Variants in LMO7 observed in about 807,000 individuals in gnomAD.
LMO7 encodes the protein LIM domain 7.
In LMO7, 120 loss-of-function variants were observed where a neutral mutation model predicts 206.5. The observed-to-expected ratio is 0.58, with a 90% CI of 0.50 to 0.68. The LOEUF (loss-of-function observed/expected upper bound fraction) is 0.68, where lower values mean the gene tolerates loss of function less well. Ranked by LOEUF, LMO7 falls within the 30% of genes least tolerant of loss-of-function variation. The pLI, the probability that LMO7 is intolerant of heterozygous loss-of-function variation, is 0.00. For missense variants in LMO7, 1,959 were observed against 1,957.9 expected (o/e 1.00, Z -0.01); for synonymous variants, 706 against 681.5 (o/e 1.04, Z -0.56).
chr13:75,688,166 G>A (rs2041172395), intron 1 of LMO7, among the ~76,000 whole-genome samples: 1 of 152,098 alleles, frequency 6.6e-6, no homozygotes, highest in Non-Finnish European at 1.5e-5. Flanking sequence ...CCCAGTCTTG[G>A]GTATGTTTTT....
chr13:75,816,959 G>T, intron 11 of LMO7: 1 of 420,012 alleles, frequency 2.4e-6, no homozygotes, highest in Non-Finnish European at 4.3e-6. Flanking sequence ...GCCATTTTGT[G>T]AAAAAATTCA....
At chr13:75,794,484 AATAT>A (rs1400370153) in intron 4 of LMO7, among the ~76,000 whole-genome samples, 2 of 152,170 alleles carry the variant, frequency 1.3e-5, no homozygotes, top group African/African-American at 4.8e-5. Context: ...TGTATATATG[AATAT>A]ATATGTGTTT....
Position 75,856,787 on chromosome 13 carries a change from G to T in LMO7, c.4873+179G>T, listed in dbSNP as rs78668606. 1.7e-3 allele frequency: 908 copies of T among 528,060 alleles called. 7 individuals carry two copies. The highest frequency in any genetic ancestry group is 0.015 in the African/African-American group (781 of 52,252). 32.7% of individuals were successfully genotyped at this position (528,060 alleles called of 1,614,324 possible). A position where few individuals can be genotyped will look rare whatever the true frequency, so the allele number is the denominator to read the frequency against. The stretch of plus-strand genomic sequence containing the variant: ...GTATAGTGAATGGGTCACTGCTCAG[G>T]GTTCCAGCTACACAGGAGTGGGTTG... On this transcript the variant is annotated intron_variant, in intron 30 of 30. Transcript: ENST00000377534.
At chr13:75,746,158 C>G (rs1239808562) in intron 3 of LMO7, among the ~76,000 whole-genome samples, 5 of 151,870 alleles carry the variant, frequency 3.3e-5, no homozygotes, top group Non-Finnish European at 5.9e-5. Context: ...GCTTTTGCAC[C>G]AGTAGTTTAT....
rs535109251 is a variant in LMO7 at position 75,636,572 on chromosome 13, C to G, written c.-86C>G. On this transcript the variant is annotated 5_prime_UTR_variant, in exon 1 of 31. Coordinates refer to ENST00000377534, the MANE Select transcript of LMO7 (RefSeq NM_001306080.2). ...CGGAGTTGTGGGAGGCCCGCGTGCCCTCCCCGCCCGTGGGGCCCAGACGCG... is the reference window on the plus strand; with the variant it reads ...CGGAGTTGTGGGAGGCCCGCGTGCCGTCCCCGCCCGTGGGGCCCAGACGCG... The G allele has an allele frequency of 1.8e-4, 271 of 1,537,292 alleles. 1 individual carries two copies. In the African/African-American group the frequency reaches 3.3e-3, roughly 18 times the overall value.
Position 75,795,359 on chromosome 13 carries a change from G to A in LMO7, c.318-42G>A, listed in dbSNP as rs139869443. The A allele has an allele frequency of 4.8e-4, 644 of 1,337,548 alleles. 5 individuals carry two copies. In the African/African-American group the frequency reaches 8.7e-3, roughly 18 times the overall value. 82.9% of individuals were successfully genotyped at this position (1,337,548 alleles called of 1,614,324 possible). A position where few individuals can be genotyped will look rare whatever the true frequency, so the allele number is the denominator to read the frequency against. ...TTTCTAGCTATAATTAATAATTTAA[G>A]GTTCACGGATATTACCTAATAGATA... On this transcript the variant is annotated intron_variant, in intron 4 of 30. Transcript: ENST00000377534.
rs376603401 is a variant in LMO7 at position 75,782,338 on chromosome 13, G to C, written c.318-13063G>C. Among the ~76,000 whole-genome samples the C allele has an allele frequency of 6.6e-5, 10 of 152,308 alleles. No homozygotes were observed. In the South Asian group the frequency reaches 1.2e-3, roughly 19 times the overall value. On this transcript the variant is annotated intron_variant, in intron 4 of 30. Transcript: ENST00000377534. ...AAATGATCCTCATATGCTGTGAATA[G>C]ACTTTTAGGTCAGATCAACTGGGGC... is the stretch of plus-strand genomic sequence containing the variant.
At chr13:75,820,624 C>G (rs139382527) in intron 13 of LMO7, among the ~76,000 whole-genome samples, 19 of 152,052 alleles carry the variant, frequency 1.2e-4, no homozygotes, top group African/African-American at 1.9e-4. Flanking sequence ...TAATAATATC[C>G]CAGTGAAGTA....
intron 15 of LMO7, among the ~76,000 whole-genome samples, chr13:75,828,518 A>G (rs995572281): frequency 6.6e-6 from 1 of 152,236 alleles, no homozygotes; most frequent in Admixed American, 6.5e-5. Context: ...GTCCATAAAG[A>G]TAAAATCATC....
In LMO7 at chr13:75,705,027, C is replaced by T. The variant is rs781740544; in HGVS notation, c.70-8155C>T. On this transcript the variant is annotated intron_variant, in intron 1 of 30. Coordinates refer to ENST00000377534, the MANE Select transcript of LMO7 (RefSeq NM_001306080.2). ...AATAACTTCCTATCAAGGGCTTCTT[C>T]GGAGGCCACAGGTGGTAAGACAGGT... is the stretch of plus-strand genomic sequence containing the variant. 4.6e-4 allele frequency among the ~76,000 whole-genome samples: 70 copies of T among 152,168 alleles called. 1 individual carries two copies. Among genetic ancestry groups the T allele is most frequent in the Non-Finnish European group, 2.9e-4 (20 of 68,022 alleles).
chr13:75,659,826 C>G (rs2139242103), intron 1 of LMO7, among the ~76,000 whole-genome samples: 1 of 152,258 alleles, frequency 6.6e-6, no homozygotes, highest in East Asian at 1.9e-4. Flanking sequence ...GACTTTTTCT[C>G]TTTTATATTC....
At chr13:75,825,039 A>G (rs2057977466) in intron 15 of LMO7, among the ~76,000 whole-genome samples, 2 of 152,160 alleles carry the variant, frequency 1.3e-5, no homozygotes, top group Admixed American at 1.3e-4. Context: ...TGATAATTCC[A>G]TCATTTAGAG....
rs1166394582 is a variant in LMO7, at chr13:75,729,606, GAA to G, written c.210+2509_210+2510del. 1.1e-4 allele frequency among the ~76,000 whole-genome samples: 17 copies of G among 150,550 alleles called. No individual in the cohort carries two copies. The East Asian group carries it at 3.3e-3, about 29-fold the overall frequency. On this transcript the variant is annotated intron_variant, in intron 3 of 30. Coordinates refer to ENST00000377534, the MANE Select transcript of LMO7 (RefSeq NM_001306080.2). ...AATTTGACTTCCTCTTTTCCTAATTGAATACCCTTTATTTCCTTCTCCTGCCT... is the reference window on the plus strand; with the variant it reads ...AATTTGACTTCCTCTTTTCCTAATTGTACCCTTTATTTCCTTCTCCTGCCT...
In LMO7 at chr13:75,817,365, T is replaced by C. The variant is rs542931528; in HGVS notation, c.2064+87T>C. The stretch of plus-strand genomic sequence containing the variant: ...TAAAGTCAATATACTCAAGACCATT[T>C]TCCTTGCTATTACAGAATTCAGTTC... On this transcript the variant is annotated intron_variant, in intron 12 of 30. Coordinates refer to ENST00000377534, the MANE Select transcript of LMO7 (RefSeq NM_001306080.2). 1,337 of 782,002 alleles carry C rather than the reference T, an allele frequency of 1.7e-3. 11 individuals are homozygous for C. Among genetic ancestry groups the C allele is most frequent in the Middle Eastern group, 2.3e-3 (9 of 3,846 alleles). The allele number at this position is 782,002 out of a possible 1,614,324, so 48.4% of individuals were successfully genotyped here.
At chr13:75,638,492 A>C (rs2036194488) in intron 1 of LMO7, among the ~76,000 whole-genome samples, 2 of 152,116 alleles carry the variant, frequency 1.3e-5, no homozygotes, top group African/African-American at 4.8e-5. Flanking sequence ...TCTATAATGT[A>C]TTTTGTTCAT....
At chr13:75,641,841 G>A (rs75813033) in intron 1 of LMO7, among the ~76,000 whole-genome samples, 1 of 149,620 alleles carries the variant, frequency 6.7e-6, no homozygotes, top group Non-Finnish European at 1.5e-5. Context: ...TTTTTTTTTG[G>A]TAGAGACAGG....
At chr13:75,764,653 G>A (rs1335745862) in intron 4 of LMO7, among the ~76,000 whole-genome samples, 1 of 152,112 alleles carries the variant, frequency 6.6e-6, no homozygotes, top group African/African-American at 2.4e-5. Flanking sequence ...ACTAAGTCTT[G>A]TATTTAAACC....
intron 16 of LMO7, 46 bp from the exon 17 acceptor site, chr13:75,834,180 T>G: frequency 1.4e-6 from 2 of 1,447,778 alleles, no homozygotes; most frequent in Non-Finnish European, 1.9e-6. Flanking sequence ...TAATAGAACA[T>G]GTGGGATTTT....
intron 15 of LMO7, among the ~76,000 whole-genome samples, chr13:75,830,178 A>G (rs112620236): frequency 1.2e-3 from 182 of 152,304 alleles, no homozygotes; most frequent in African/African-American, 4.3e-3. Flanking sequence ...TCATTGATGA[A>G]CAATTTATAC....
Sources: allele counts gnomAD v4.1 joint callset (sites outside exome capture counted in the v4.1 genomes callset), GRCh38; gene constraint gnomAD v4.1.1; transcripts MANE v1.5; gene names NCBI Gene and HGNC (gene_info 2026-07-23, HGNC 2026-07-21).